The following POLI variants were observed in gnomAD, a reference collection of about 807,000 sequenced individuals.
POLI encodes DNA polymerase iota.
Under a neutral mutation model 51.6 loss-of-function variants are expected in POLI, and 58 were observed. The observed-to-expected ratio is 1.12, with a 90% CI of 0.91 to 1.40. POLI has a LOEUF of 1.40. Ranked by LOEUF, POLI falls within the 40% of genes most tolerant of loss-of-function variation. The pLI is 0.00. For synonymous variants in POLI, 322 were observed against 299.7 expected, an observed-to-expected ratio of 1.07 and a Z score of -0.77; for missense variants, 921 against 871.3, an observed-to-expected ratio of 1.06 and a Z score of -0.72.
intron 5 of POLI, among the ~76,000 whole-genome samples, chr18:54,281,416 A>G (rs1300364932): frequency 1.3e-5 from 2 of 152,156 alleles, no homozygotes; most frequent in Non-Finnish European, 2.9e-5. Context: ...TGAAGATTAA[A>G]TACCCAAGTT....
chr18:54,314,266 A>G (rs1371660524), intron 3 of POLI, among the ~76,000 whole-genome samples: 2 of 151,628 alleles, frequency 1.3e-5, no homozygotes, highest in Non-Finnish European at 3.0e-5. Flanking sequence ...ATAATAATTT[A>G]TTCACATTTA....
At chr18:54,307,148 C>T (rs2088599632) in intron 3 of POLI, among the ~76,000 whole-genome samples, 1 of 152,098 alleles carries the variant, frequency 6.6e-6, no homozygotes, top group Admixed American at 6.6e-5. Flanking sequence ...AATTTGTTTG[C>T]TCTTGCTTCT....
intron 3 of POLI, among the ~76,000 whole-genome samples, chr18:54,304,030 C>G (rs975402797): frequency 6.6e-6 from 1 of 151,782 alleles, no homozygotes; most frequent in African/African-American, 2.4e-5. Context: ...TCTGTCCTTG[C>G]GACAGTTTGC....
intron 3 of POLI, among the ~76,000 whole-genome samples, chr18:54,310,634 C>T (rs956212003): frequency 7.2e-5 from 11 of 151,836 alleles, no homozygotes; most frequent in East Asian, 3.9e-4. Context: ...TTTGGGTGTC[C>T]GCCCTTTCTT....
chr18:54,312,447 T>C (rs1330254408), intron 3 of POLI, among the ~76,000 whole-genome samples: 1 of 152,198 alleles, frequency 6.6e-6, no homozygotes, highest in Non-Finnish European at 1.5e-5. Context: ...GTCTTTTTGC[T>C]GGAATCATTT....
chr18:54,269,590 A>ACGACGAGGAAGACGCCGG lies in POLI; in HGVS notation c.50_51insGGAAGACGCCGGCGACGA (p.Asp16_Asp17insGluGluAspAlaGlyAsp). The ACGACGAGGAAGACGCCGG allele has an allele frequency of 7.4e-6, 1 of 134,292 alleles. No individual in the cohort carries two copies. Among genetic ancestry groups the ACGACGAGGAAGACGCCGG allele is most frequent in the Non-Finnish European group, 9.1e-6 (1 of 110,318 alleles). 8.3% of individuals were successfully genotyped at this position (134,292 alleles called of 1,614,324 possible). ...GAGCCGGAGGAGGAAGGCGGCGGCG[A>ACGACGAGGAAGACGCCGG]CGACGACGAGGAAGACGCCGAGGCC... On this transcript the variant is annotated inframe_insertion, in exon 1 of 10. Coordinates refer to ENST00000579534, the MANE Select transcript of POLI (RefSeq NM_007195.3).
intron 6 of POLI, 124 bp from the exon 7 acceptor site, chr18:54,283,798 T>C (rs1369551075): frequency 2.0e-6 from 1 of 493,974 alleles, no homozygotes; most frequent in Non-Finnish European, 3.7e-6. Context: ...ACTAAATGGC[T>C]CAAACTAAGG....
At position 54,280,683 on chromosome 18, in the gene POLI, C is replaced by G; in HGVS notation, c.576C>G (p.Asp192Glu). Reference protein sequence around the residue: ...VYNNQSINLLDVLHIRLLVGS... With the variant: ...VYNNQSINLLEVLHIRLLVGS... ...TTTTTAAAGCTATAAACCTGCTTGA[C>G]GTCTTGCACATCAGACTACTTGTTG... Residue 192 changes from aspartate (D) to glutamate (E), a missense_variant, in exon 5 of 10, where the codon GAC becomes GAG. Physicochemically the swap from Asp to Glu is conservative, Grantham distance 45. Coordinates refer to ENST00000579534, the MANE Select transcript of POLI (RefSeq NM_007195.3). 1 of 1,610,310 alleles carries G rather than the reference C, an allele frequency of 6.2e-7. No individual in the cohort carries two copies. Among genetic ancestry groups the G allele is most frequent in the East Asian group, 2.2e-5 (1 of 44,852 alleles).
chr18:54,287,558 T>G, intron 8 of POLI, 147 bp downstream of exon 8: 1 of 564,922 alleles, frequency 1.8e-6, no homozygotes, highest in Non-Finnish European at 3.1e-6. Flanking sequence ...GAATTTTCAC[T>G]GGAAAACTTT....
intron 5 of POLI, among the ~76,000 whole-genome samples, chr18:54,281,249 G>A (rs560953739): frequency 1.1e-4 from 17 of 152,176 alleles, no homozygotes; most frequent in African/African-American, 3.1e-4. Flanking sequence ...AGGGGAGTTC[G>A]TCTTTTACTA....
intron 4 of POLI, chr18:54,320,927 C>T (rs1411726527): frequency 6.6e-6 from 1 of 151,876 alleles, no homozygotes; most frequent in Non-Finnish European, 1.5e-5. Flanking sequence ...ATGGTAATAT[C>T]TTGCATACCT....
At position 54,296,994 on chromosome 18, in the gene POLI, T is replaced by C; in HGVS notation, c.*2527T>C. The C allele has an allele frequency of 5.1e-6, 5 of 985,320 alleles. No individual in the cohort carries two copies. The highest frequency in any genetic ancestry group is 6.0e-6 in the Non-Finnish European group (5 of 829,852). The allele number at this position is 985,320 out of a possible 1,614,324, so 61.0% of individuals were successfully genotyped here. On this transcript the variant is annotated 3_prime_UTR_variant, in exon 10 of 10. Transcript: ENST00000579534. ...TCTGCGAGAAGACAGAGGGCCTAAA[T>C]TGTGTATGTTTTCCTTCAGTATGAT...
intron 3 of POLI, among the ~76,000 whole-genome samples, chr18:54,312,427 G>C (rs562707299): frequency 2.6e-5 from 4 of 152,098 alleles, no homozygotes; most frequent in Non-Finnish European, 5.9e-5. Context: ...GTGAACATAT[G>C]GGTGCATGTG....
chr18:54,280,364 G>A (rs182280568), intron 4 of POLI, among the ~76,000 whole-genome samples: 11 of 152,166 alleles, frequency 7.2e-5, no homozygotes, highest in African/African-American at 2.4e-4. Flanking sequence ...TTAACAACCA[G>A]CTGTCTTTGG....
Position 54,283,908 on chromosome 18 carries a change from T to C in POLI, c.976-14T>C. ...TTGAGTTTGTGCTAATCCTTATTTA[T>C]GCTTCTTTGATAGTCCTTTAGTGAA... On this transcript the variant is annotated splice_polypyrimidine_tract_variant and intron_variant, in intron 6 of 9. Coordinates refer to ENST00000579534, the MANE Select transcript of POLI (RefSeq NM_007195.3). 1 of 995,808 alleles carries C rather than the reference T, an allele frequency of 1.0e-6. No individual in the cohort carries two copies. Among genetic ancestry groups the C allele is most frequent in the Non-Finnish European group, 1.5e-6 (1 of 648,212 alleles). 61.7% of individuals were successfully genotyped at this position (995,808 alleles called of 1,614,324 possible). A position where few individuals can be genotyped will look rare whatever the true frequency, so the allele number is the denominator to read the frequency against.
intron 3 of POLI, among the ~76,000 whole-genome samples, chr18:54,307,182 A>G (rs979082373): frequency 6.6e-6 from 1 of 152,114 alleles, no homozygotes; most frequent in African/African-American, 2.4e-5. Context: ...TTGTGATGTT[A>G]GGGTGTCAAT....
At chr18:54,272,672 A>G (rs545166990) in intron 2 of POLI, among the ~76,000 whole-genome samples, 78 of 149,810 alleles carry the variant, frequency 5.2e-4, no homozygotes, top group African/African-American at 1.8e-3. Context: ...CGGTTTCACC[A>G]TGTTGCCCTG....
At chr18:54,305,220 G>A (rs1275204542) in intron 3 of POLI, among the ~76,000 whole-genome samples, 2 of 152,068 alleles carry the variant, frequency 1.3e-5, no homozygotes, top group African/African-American at 4.8e-5. Flanking sequence ...TGTTCTTTTT[G>A]CTTAGGATTG....
chr18:54,273,345 A>G (rs1220619010), intron 2 of POLI, among the ~76,000 whole-genome samples: 2 of 150,066 alleles, frequency 1.3e-5, no homozygotes, highest in Non-Finnish European at 3.0e-5. Context: ...GAGTTTTTCT[A>G]GCAGCAACCA....
Sources: gnomAD v4.1 joint callset for allele counts (sites outside exome capture counted in the v4.1 genomes callset) on GRCh38, gnomAD v4.1.1 for gene constraint, MANE v1.5 for transcripts, NCBI Gene and HGNC (gene_info 2026-07-23, HGNC 2026-07-21) for gene names.